The following ZGRF1 variants were observed in gnomAD, a reference collection of about 807,000 sequenced individuals.
ZGRF1 encodes the protein zinc finger GRF-type containing 1, also known as 5'-3' DNA helicase ZGRF1.
In ZGRF1, 196 loss-of-function variants were observed where a neutral mutation model predicts 203.5. The ratio of observed to expected loss-of-function variants is 0.96; its 90% CI spans 0.86 to 1.08. ZGRF1 has a LOEUF of 1.08. Among genes scored for constraint, ZGRF1 ranks in the 50% least tolerant of loss-of-function variants. The pLI, the probability that ZGRF1 is intolerant of heterozygous loss-of-function variation, is 0.00. For synonymous variants in ZGRF1, 809 were observed against 841.3 expected, an observed-to-expected ratio of 0.96 and a Z score of 0.66; for missense variants, 2,326 against 2,416.3, an observed-to-expected ratio of 0.96 and a Z score of 0.78.
rs34831385 is a variant in ZGRF1, at chr4:112,624,163, C to CAA, written c.103-289_103-288dup. Among the ~76,000 whole-genome samples, 413 of 113,998 alleles carry CAA rather than the reference C, an allele frequency of 3.6e-3. 2 individuals are homozygous for CAA. The highest frequency in any genetic ancestry group is 8.6e-3 in the African/African-American group (265 of 30,968). 74.8% of individuals were successfully genotyped at this position (113,998 alleles called of 152,430 possible). A position where few individuals can be genotyped will look rare whatever the true frequency, so the allele number is the denominator to read the frequency against. On this transcript the variant is annotated intron_variant, in intron 3 of 27. Transcript: ENST00000505019. ...CTTCGCAATAAATCTTGCTACTGCT[C>CAA]AAAAAAAAAAAAAAAAGGAATTCAA...
chr4:112,607,141 A>G (rs1266422421), intron 8 of ZGRF1, among the ~76,000 whole-genome samples: 1 of 151,444 alleles, frequency 6.6e-6, no homozygotes, highest in African/African-American at 2.4e-5. Context: ...TTTTTTTTTT[A>G]AGAGACAGGG....
chr4:112,582,288 CTTTT>C (rs34363128), intron 15 of ZGRF1, among the ~76,000 whole-genome samples: 1 of 142,090 alleles, frequency 7.0e-6, no homozygotes, highest in Non-Finnish European at 1.5e-5. Context: ...TACTGTATTC[CTTTT>C]TTTTTTTTTT....
chr4:112,622,535 A>G (rs1267352913), intron 4 of ZGRF1, among the ~76,000 whole-genome samples: 1 of 151,714 alleles, frequency 6.6e-6, no homozygotes, highest in Admixed American at 6.6e-5. Flanking sequence ...AAAAAAAAAA[A>G]AAAAAGACTC....
chr4:112,617,543 A>T lies in ZGRF1; in HGVS notation c.2499T>A (p.Cys833Ter). The T allele has an allele frequency of 6.2e-7, 1 of 1,613,572 alleles. No individual in the cohort carries two copies. The highest frequency in any genetic ancestry group is 1.1e-5 in the South Asian group (1 of 90,938). The change falls in exon 6 of 28, where the codon TGT becomes TGA. Residue 833 changes from cysteine (C) to a stop codon, truncating the protein, a stop_gained. Transcript: ENST00000505019. LOFTEE classifies it high-confidence loss of function. ...AGCTGTCTAAAGCAGTACTGTGTTC[A>T]CATAGCGACTTTAAAATAGAAATGG... ...VNTISILKSL[C>*]EHSTALDSLE...
chr4:112,589,214 T>C (rs1747730851), intron 11 of ZGRF1, among the ~76,000 whole-genome samples: 1 of 152,104 alleles, frequency 6.6e-6, no homozygotes, highest in Non-Finnish European at 1.5e-5. Context: ...TAGTATTATA[T>C]TCATCAAGAA....
At chr4:112,591,306 G>A (rs1748128060) in intron 10 of ZGRF1, among the ~76,000 whole-genome samples, 1 of 151,990 alleles carries the variant, frequency 6.6e-6, no homozygotes, top group African/African-American at 2.4e-5. Flanking sequence ...AGCTTATAAG[G>A]GAGTTCAAAT....
chr4:112,564,865 T>C, intron 16 of ZGRF1: 1 of 612,888 alleles, frequency 1.6e-6, no homozygotes, highest in Non-Finnish European at 3.0e-6. Context: ...TTATAAATTC[T>C]TTTTACTGAA....
At chr4:112,620,250 G>T in intron 4 of ZGRF1, 60 bp from the exon 5 acceptor site, 1 of 1,385,028 alleles carries the variant, frequency 7.2e-7, no homozygotes, top group South Asian at 1.4e-5. Flanking sequence ...ATGTATTCCA[G>T]GATGCTCACT....
intron 11 of ZGRF1, among the ~76,000 whole-genome samples, chr4:112,588,834 G>A (rs1447499048): frequency 6.6e-6 from 1 of 152,156 alleles, no homozygotes; most frequent in East Asian, 1.9e-4. Context: ...AAAGTGCTAT[G>A]CTGTAATTCT....
chr4:112,629,467 T>C (rs145905819), intron 3 of ZGRF1, among the ~76,000 whole-genome samples: 2,298 of 152,192 alleles, frequency 0.015, 38 homozygotes, highest in South Asian at 0.044. Context: ...GCTCAGGAGT[T>C]TGAGACCAGC....
intron 16 of ZGRF1, among the ~76,000 whole-genome samples, chr4:112,567,129 A>G (rs1743254748): frequency 6.6e-6 from 1 of 152,184 alleles, no homozygotes; most frequent in South Asian, 2.1e-4. Flanking sequence ...CAGAGGTTTT[A>G]GACTTCACTT....
intron 8 of ZGRF1, among the ~76,000 whole-genome samples, chr4:112,607,308 A>T (rs918395826): frequency 6.6e-5 from 10 of 151,912 alleles, no homozygotes; most frequent in African/African-American, 2.4e-4. Flanking sequence ...ATTTAAAAAA[A>T]TTTTTTTTAG....
In ZGRF1 at chr4:112,618,604, G is replaced by A; in HGVS notation, c.1438C>T (p.Pro480Ser). The change falls in exon 6 of 28, where the codon CCA becomes TCA. Residue 480 changes from proline (P) to serine (S), a missense_variant. Pro to Ser is a moderately conservative substitution (Grantham distance 74, BLOSUM62 -1). Coordinates refer to ENST00000505019, the MANE Select transcript of ZGRF1 (RefSeq NM_018392.5). The part of the protein sequence containing the change: ...KEYEQSESSL[P>S]ELKHLQIESS... Reference sequence around the variant, plus strand: ...TCAATTTGGAGATGTTTCAGTTCTGGCAGAGATGACTCTGATTGTTCATAC... The same window carrying A: ...TCAATTTGGAGATGTTTCAGTTCTGACAGAGATGACTCTGATTGTTCATAC... 1 of 1,613,328 alleles carries A rather than the reference G, an allele frequency of 6.2e-7. No individual in the cohort carries two copies. Among genetic ancestry groups the A allele is most frequent in the Non-Finnish European group, 8.5e-7 (1 of 1,179,630 alleles).
chr4:112,598,809 G>A (rs1350483050), intron 10 of ZGRF1, among the ~76,000 whole-genome samples: 2 of 152,068 alleles, frequency 1.3e-5, no homozygotes, highest in Admixed American at 6.6e-5. Context: ...CCAACACTTT[G>A]GGGGGTCAAG....
At chr4:112,628,584 G>A (rs1395079860) in intron 3 of ZGRF1, 16 of 455,898 alleles carry the variant, frequency 3.5e-5, no homozygotes, top group Non-Finnish European at 5.7e-5. Flanking sequence ...TTAAGATTGA[G>A]GGCGTTATTT....
In ZGRF1 at chr4:112,629,434, G is replaced by A. The variant is rs140692544; in HGVS notation, c.102+2496C>T. Among the ~76,000 whole-genome samples, 813 of 152,294 alleles carry A rather than the reference G, an allele frequency of 5.3e-3. 11 individuals carry two copies. Among genetic ancestry groups the A allele is most frequent in the African/African-American group, 0.018 (763 of 41,560 alleles). On this transcript the variant is annotated intron_variant, in intron 3 of 27. Transcript: ENST00000505019. ...GCCTGTAATCCCAATACTTTGGGAG[G>A]CCAAGGCAGGCAGACGGCTTGAGCT...
intron 16 of ZGRF1, chr4:112,565,069 A>T (rs1311413768): frequency 1.4e-5 from 17 of 1,251,886 alleles, no homozygotes; most frequent in Non-Finnish European, 2.0e-5. Flanking sequence ...AGCCGCTCGC[A>T]AGAGTGTGCC....
At chr4:112,540,397 T>TAA (rs71597603) in intron 26 of ZGRF1, among the ~76,000 whole-genome samples, 1 of 151,850 alleles carries the variant, frequency 6.6e-6, no homozygotes, top group Non-Finnish European at 1.5e-5. Context: ...ATGAAACAGA[T>TAA]AAAAAATACT....
chr4:112,613,166 C>A (rs2046748757), intron 6 of ZGRF1, among the ~76,000 whole-genome samples: 1 of 152,100 alleles, frequency 6.6e-6, no homozygotes. Flanking sequence ...TGGTGGTGCA[C>A]AACTATAATC....
Sources: gnomAD v4.1 joint callset for allele counts (sites outside exome capture counted in the v4.1 genomes callset) on GRCh38, gnomAD v4.1.1 for gene constraint, MANE v1.5 for transcripts, NCBI Gene and HGNC (gene_info 2026-07-23, HGNC 2026-07-21) for gene names.